Variants in DPP10 observed in about 807,000 individuals in gnomAD.
The protein encoded by DPP10 is dipeptidyl peptidase like 10, also known as inactive dipeptidyl peptidase 10.
In DPP10, 33 loss-of-function variants were observed where a neutral mutation model predicts 120.9. The observed-to-expected ratio is 0.27, with a 90% confidence interval of 0.21 to 0.37. The LOEUF (loss-of-function observed/expected upper bound fraction) is 0.37, where lower values mean the gene tolerates loss of function less well. DPP10 is among the 10% of genes least tolerant of loss of function. The pLI, the probability that DPP10 is intolerant of heterozygous loss-of-function variation, is 1.00. For synonymous variants in DPP10, 337 were observed against 326.1 expected (o/e 1.03, Z -0.36); for missense variants, 816 against 942.8 (o/e 0.87, Z 1.76).
At chr2:114,854,172 G>A (rs2106500409) in intron 1 of DPP10, among the ~76,000 whole-genome samples, 1 of 152,282 alleles carries the variant, frequency 6.6e-6, no homozygotes, top group Middle Eastern at 3.4e-3. Context: ...TTAGAATCCA[G>A]ATTCCTCTCC....
chr2:115,165,076 CAATT>C (rs753333073), intron 1 of DPP10, among the ~76,000 whole-genome samples: 17 of 152,228 alleles, frequency 1.1e-4, no homozygotes, highest in Non-Finnish European at 1.9e-4. Context: ...ATCAATATCT[CAATT>C]AACATTGAAA....
chr2:115,832,787 C>G (rs1047974305), intron 21 of DPP10, among the ~76,000 whole-genome samples: 1 of 151,372 alleles, frequency 6.6e-6, no homozygotes, highest in Non-Finnish European at 1.5e-5. Flanking sequence ...GAATGTGGGT[C>G]GGGGAGAGCA....
At chr2:114,601,912 G>C (rs1271029635) in intron 1 of DPP10, among the ~76,000 whole-genome samples, 1 of 151,846 alleles carries the variant, frequency 6.6e-6, no homozygotes, top group African/African-American at 2.4e-5. Context: ...AACTTTCAAG[G>C]CTTTAATAAA....
chr2:115,202,839 C>T (rs1440445722), intron 1 of DPP10, among the ~76,000 whole-genome samples: 4 of 152,166 alleles, frequency 2.6e-5, no homozygotes, highest in Admixed American at 6.5e-5. Context: ...TCTTCCATAT[C>T]GGCATAGTTT....
chr2:114,967,337 TG>T (rs925724708), intron 1 of DPP10, among the ~76,000 whole-genome samples: 2 of 152,144 alleles, frequency 1.3e-5, no homozygotes, highest in African/African-American at 4.8e-5. Context: ...CTCTGCTCTG[TG>T]GAAGCAGGAA....
chr2:114,475,158 C>T (rs1478276793), intron 1 of DPP10, among the ~76,000 whole-genome samples: 1 of 152,202 alleles, frequency 6.6e-6, no homozygotes, highest in African/African-American at 2.4e-5. Flanking sequence ...ACAGTTTACA[C>T]ACAAGCATGT....
intron 1 of DPP10, among the ~76,000 whole-genome samples, chr2:114,586,310 C>G (rs1009129747): frequency 6.6e-6 from 1 of 152,112 alleles, no homozygotes; most frequent in Non-Finnish European, 1.5e-5. Flanking sequence ...TATTAACTTG[C>G]TATAAGCTCT....
chr2:115,444,140 A>T (rs1314214676), intron 3 of DPP10, among the ~76,000 whole-genome samples: 4 of 152,194 alleles, frequency 2.6e-5, no homozygotes, highest in Admixed American at 2.6e-4. Flanking sequence ...ATGTTTATTC[A>T]TTATGAAAGA....
chr2:114,762,346 C>G (rs1159889894), intron 1 of DPP10, among the ~76,000 whole-genome samples: 1 of 152,180 alleles, frequency 6.6e-6, no homozygotes, highest in Non-Finnish European at 1.5e-5. Context: ...ACTTTCTTCT[C>G]CCTCCTGTTG....
intron 3 of DPP10, among the ~76,000 whole-genome samples, chr2:115,381,715 C>G (rs1033651174): frequency 3.3e-5 from 5 of 152,134 alleles, no homozygotes; most frequent in African/African-American, 7.2e-5. Context: ...TGATGGTGAT[C>G]TACAGGTGGG....
At chr2:114,689,271 C>T (rs927211771) in intron 1 of DPP10, among the ~76,000 whole-genome samples, 1 of 43,082 alleles carries the variant, frequency 2.3e-5, no homozygotes, top group Non-Finnish European at 5.0e-5. Flanking sequence ...TGTGTTATTC[C>T]CCCCCAACAT....
intron 1 of DPP10, among the ~76,000 whole-genome samples, chr2:115,045,898 G>T (rs566922234): frequency 6.6e-6 from 1 of 152,208 alleles, no homozygotes; most frequent in African/African-American, 2.4e-5. Flanking sequence ...AATTCTATTA[G>T]TTTATAGGGG....
intron 1 of DPP10, among the ~76,000 whole-genome samples, chr2:114,824,432 C>T (rs911171791): frequency 6.6e-6 from 1 of 152,068 alleles, no homozygotes. Context: ...AATGAGGGTT[C>T]GTTTTTGGCA....
intron 1 of DPP10, among the ~76,000 whole-genome samples, chr2:115,239,540 A>C (rs958287384): frequency 6.6e-6 from 1 of 152,138 alleles, no homozygotes; most frequent in Admixed American, 6.5e-5. Context: ...TCTAATTAGG[A>C]TATGTCCACT....
intron 1 of DPP10, among the ~76,000 whole-genome samples, chr2:114,686,111 C>A (rs890766058): frequency 2.6e-5 from 4 of 151,860 alleles, no homozygotes; most frequent in Admixed American, 2.6e-4. Flanking sequence ...TCACTAACTG[C>A]TAATCATCTT....
At chr2:115,157,386 T>C (rs1384121882) in intron 1 of DPP10, among the ~76,000 whole-genome samples, 3 of 152,114 alleles carry the variant, frequency 2.0e-5, no homozygotes, top group Non-Finnish European at 2.9e-5. Flanking sequence ...GAGATCATAA[T>C]TGGGCTATGA....
At chr2:115,365,119 T>C (rs2065004914) in intron 3 of DPP10, among the ~76,000 whole-genome samples, 1 of 152,080 alleles carries the variant, frequency 6.6e-6, no homozygotes, top group Non-Finnish European at 1.5e-5. Context: ...AGTAAAAATA[T>C]TTATGTTTAG....
intron 19 of DPP10, among the ~76,000 whole-genome samples, chr2:115,800,522 C>G (rs969156318): frequency 1.3e-5 from 2 of 152,112 alleles, no homozygotes; most frequent in African/African-American, 4.8e-5. Flanking sequence ...TGCCTTTGTC[C>G]TGAATGGTGT....
At chr2:114,967,182 T>G (rs1409530299) in intron 1 of DPP10, among the ~76,000 whole-genome samples, 1 of 152,166 alleles carries the variant, frequency 6.6e-6, no homozygotes, top group Non-Finnish European at 1.5e-5. Context: ...TGAGCCAACA[T>G]TCTTATTTTA....
Sources: allele counts gnomAD v4.1 joint callset (sites outside exome capture counted in the v4.1 genomes callset), GRCh38; gene constraint gnomAD v4.1.1; transcripts MANE v1.5; gene names NCBI Gene and HGNC (gene_info 2026-07-23, HGNC 2026-07-21).